LAMA4: variants seen among roughly 807,000 people sequenced by gnomAD.
LAMA4 encodes laminin subunit alpha 4, also known as laminin subunit alpha-4.
In LAMA4, 127 loss-of-function variants were observed where a neutral mutation model predicts 207.1. That is an observed-to-expected ratio of 0.61 (90% CI 0.53 to 0.71). The LOEUF (loss-of-function observed/expected upper bound fraction) is 0.71, where lower values mean the gene tolerates loss of function less well. LAMA4 is among the 30% of genes least tolerant of loss of function. The pLI is 0.00. For missense variants in LAMA4, 2,093 were observed against 2,246.5 expected (o/e 0.93, Z 1.38); for synonymous variants, 761 against 816.0 (o/e 0.93, Z 1.15).
chr6:112,164,127 A>G (rs1304886949), intron 13 of LAMA4: 1 of 152,374 alleles, frequency 6.6e-6, no homozygotes, highest in Non-Finnish European at 1.5e-5. Flanking sequence ...TGGTATGGCC[A>G]TGGTGCTGGG....
chr6:112,240,701 T>C (rs1180654625), intron 2 of LAMA4, among the ~76,000 whole-genome samples: 1 of 152,228 alleles, frequency 6.6e-6, no homozygotes, highest in African/African-American at 2.4e-5. Context: ...GTTTCATCCA[T>C]GTTTTTGCAG....
chr6:112,229,603 A>G (rs115616895), intron 2 of LAMA4, among the ~76,000 whole-genome samples: 1,592 of 152,346 alleles, frequency 0.01, 30 homozygotes, highest in African/African-American at 0.037. Flanking sequence ...CGGCATGGAC[A>G]TAAGTGCTTC....
At chr6:112,114,567 A>G (rs1777900585) in intron 37 of LAMA4, 96 bp downstream of exon 37, 1 of 831,882 alleles carries the variant, frequency 1.2e-6, no homozygotes, top group African/African-American at 1.7e-5. Flanking sequence ...TTAGACTGTC[A>G]TGCATTACCT....
At chr6:112,120,914 A>T (rs10452632) in intron 32 of LAMA4, among the ~76,000 whole-genome samples, 1 of 151,894 alleles carries the variant, frequency 6.6e-6, no homozygotes, top group African/African-American at 2.4e-5. Flanking sequence ...TCTACAAAAA[A>T]TTTTTAAAAA....
At chr6:112,115,598 C>T (rs1019618248) in intron 36 of LAMA4, among the ~76,000 whole-genome samples, 3 of 152,068 alleles carry the variant, frequency 2.0e-5, no homozygotes, top group Non-Finnish European at 4.4e-5. Flanking sequence ...AAGTTCTTCT[C>T]ATTCTTCTCT....
At chr6:112,146,176 G>T (rs1780017006) in intron 18 of LAMA4, among the ~76,000 whole-genome samples, 1 of 152,054 alleles carries the variant, frequency 6.6e-6, no homozygotes, top group African/African-American at 2.4e-5. Flanking sequence ...TGTAATCCCA[G>T]CTACTCGGGA....
intron 29 of LAMA4, chr6:112,130,300 T>TTGTGTGTGTG (rs35563593): frequency 5.0e-4 from 193 of 382,214 alleles, no homozygotes; most frequent in African/African-American, 2.2e-3. Context: ...AGCATTATTT[T>TTGTGTGTGTG]TGTGTGTGTG....
chr6:112,187,381 G>T lies in LAMA4; in HGVS notation c.966+69C>A. 8 of 1,572,626 alleles carry T rather than the reference G, an allele frequency of 5.1e-6. No homozygotes were observed. In the South Asian group the frequency reaches 7.8e-5, roughly 15 times the overall value. ...GACTCAGATACAAAAAGGGGTAGAA[G>T]GAATTACTAGCTGCGGGCCTGTGAA... is the stretch of plus-strand genomic sequence containing the variant. On this transcript the variant is annotated intron_variant, in intron 8 of 38. Coordinates refer to ENST00000230538, the MANE Select transcript of LAMA4 (RefSeq NM_001105206.3).
intron 2 of LAMA4, among the ~76,000 whole-genome samples, chr6:112,245,033 C>A (rs1295709786): frequency 6.6e-6 from 1 of 152,172 alleles, no homozygotes; most frequent in African/African-American, 2.4e-5. Context: ...GATATTCAGA[C>A]CATTTAATCT....
At chr6:112,121,679 G>T (rs10452635) in intron 32 of LAMA4, 11,088 of 331,872 alleles carry the variant, frequency 0.033, 1,112 homozygotes, top group African/African-American at 0.22. Flanking sequence ...CAATCTGAAA[G>T]CAATTTGTAT....
chr6:112,172,455 G>A (rs1781769331), intron 12 of LAMA4, 156 bp downstream of exon 12: 7 of 692,874 alleles, frequency 1.0e-5, no homozygotes, highest in South Asian at 1.8e-5. Flanking sequence ...GAACACACAA[G>A]TTAGTAATTT....
At chr6:112,153,094 G>C (rs933162032) in intron 16 of LAMA4, among the ~76,000 whole-genome samples, 2 of 152,016 alleles carry the variant, frequency 1.3e-5, no homozygotes, top group African/African-American at 4.8e-5. Context: ...TTTTGCAAAT[G>C]AGTTAAGTAG....
intron 28 of LAMA4, 149 bp downstream of exon 28, chr6:112,132,604 A>C: frequency 1.4e-6 from 1 of 719,098 alleles, no homozygotes; most frequent in Non-Finnish European, 2.3e-6. Context: ...ATATTTTATA[A>C]AGTGTTTGAA....
At chr6:112,151,669 G>A (rs574095713) in intron 16 of LAMA4, among the ~76,000 whole-genome samples, 30 of 152,104 alleles carry the variant, frequency 2.0e-4, no homozygotes, top group Non-Finnish European at 2.9e-4. Flanking sequence ...TCCCAATGTC[G>A]TATGTAAAAT....
chr6:112,138,237 C>T (rs1554332092), intron 24 of LAMA4, among the ~76,000 whole-genome samples: 1 of 152,138 alleles, frequency 6.6e-6, no homozygotes, highest in Non-Finnish European at 1.5e-5. Context: ...AGGAAATACA[C>T]CAATCAAATC....
intron 2 of LAMA4, chr6:112,253,584 C>T: frequency 1.5e-6 from 1 of 679,484 alleles, no homozygotes; most frequent in Non-Finnish European, 2.6e-6. Context: ...AGCAGGAAGC[C>T]AGTGACAGGG....
At chr6:112,224,312 C>T (rs1785083563) in intron 2 of LAMA4, among the ~76,000 whole-genome samples, 1 of 152,132 alleles carries the variant, frequency 6.6e-6, no homozygotes, top group Admixed American at 6.6e-5. Flanking sequence ...ATATCCCTCC[C>T]TTGGGTATAT....
upstream of LAMA4, chr6:112,254,816 G>A (rs1480300048): frequency 6.6e-6 from 1 of 152,482 alleles, no homozygotes; most frequent in Non-Finnish European, 1.5e-5. Flanking sequence ...CCGCTAGTTT[G>A]CAGGAAAGTG....
In LAMA4 at chr6:112,122,080, T is replaced by C; in HGVS notation, c.4409A>G (p.Tyr1470Cys). 3 of 1,614,026 alleles carry C rather than the reference T, an allele frequency of 1.9e-6. No homozygotes were observed. The highest frequency in any genetic ancestry group is 2.2e-5 in the South Asian group (2 of 91,078). ...SNSPRAIEHA[Y>C]QYGGTANSRQ... is the part of the protein sequence containing the mutation. ...GCTGTTGGCTGTTCCTCCATATTGA[T>C]AGGCGTGCTCTATTGCTCTAGGGCT... is the stretch of plus-strand genomic sequence containing the variant. Residue 1470 changes from tyrosine (Y) to cysteine (C), a missense_variant, in exon 32 of 39, where the codon TAT (tyrosine) becomes TGT (cysteine). Physicochemically the swap from Tyr to Cys is radical, Grantham distance 194 (BLOSUM62 -2). Coordinates refer to ENST00000230538, the MANE Select transcript of LAMA4 (RefSeq NM_001105206.3).
Sources: allele counts gnomAD v4.1 joint callset (sites outside exome capture counted in the v4.1 genomes callset), GRCh38; gene constraint gnomAD v4.1.1; transcripts MANE v1.5; gene names NCBI Gene and HGNC (gene_info 2026-07-23, HGNC 2026-07-21).